CNNM2: variants seen among roughly 807,000 people sequenced by gnomAD.
CNNM2 encodes metal transporter CNNM2.
Under a neutral mutation model 66.9 loss-of-function variants are expected in CNNM2, and 12 were observed. The observed-to-expected ratio is 0.18, with a 90% confidence interval of 0.11 to 0.29. The LOEUF is 0.29. Among genes scored for constraint, CNNM2 ranks in the 10% least tolerant of loss-of-function variants. CNNM2 has a pLI of 1.00. For synonymous variants in CNNM2, 557 were observed against 501.8 expected, an observed-to-expected ratio of 1.11 and a Z score of -1.47; for missense variants, 705 against 1,167.7, an observed-to-expected ratio of 0.60 and a Z score of 5.77.
chr10:102,958,815 A>G (rs1847147648), intron 1 of CNNM2, among the ~76,000 whole-genome samples: 1 of 151,820 alleles, frequency 6.6e-6, no homozygotes, highest in Non-Finnish European at 1.5e-5. Flanking sequence ...TTGGTTTGTG[A>G]TAGCTATTTC....
At chr10:103,067,074 T>C in intron 4 of CNNM2, among the ~76,000 whole-genome samples, 1 of 152,114 alleles carries the variant, frequency 6.6e-6, no homozygotes, top group East Asian at 1.9e-4. Flanking sequence ...AAAATGATAG[T>C]TTGCATCAGG....
chr10:102,965,928 G>GA lies in CNNM2; in HGVS notation c.1621+45837dup, dbSNP rs1012273305. On this transcript the variant is annotated intron_variant, in intron 1 of 7. Transcript: ENST00000369878. Reference sequence around the variant, plus strand: ...GTCAGGACTAAACAGTTCTTCAGGGGAAAAAAAAAATAGGGTCTTTGTCAC... The same window carrying GA: ...GTCAGGACTAAACAGTTCTTCAGGGGAAAAAAAAAAATAGGGTCTTTGTCAC... Among the ~76,000 whole-genome samples, 102 of 148,030 alleles carry GA rather than the reference G, an allele frequency of 6.9e-4. 1 individual carries two copies. Among genetic ancestry groups the GA allele is most frequent in the Middle Eastern group, 3.4e-3 (1 of 294 alleles).
chr10:103,068,816 C>A, intron 5 of CNNM2, 94 bp downstream of exon 5: 1 of 977,120 alleles, frequency 1.0e-6, no homozygotes, highest in Non-Finnish European at 1.5e-6. Context: ...GCCAGCTGAC[C>A]CCATTCACTT....
intron 1 of CNNM2, among the ~76,000 whole-genome samples, chr10:102,957,746 G>C (rs141161767): frequency 7.6e-4 from 115 of 152,188 alleles, no homozygotes; most frequent in African/African-American, 2.6e-3. Flanking sequence ...GTTTAATTTT[G>C]ATGCAGTTTA....
At chr10:102,949,340 T>G (rs899256058) in intron 1 of CNNM2, among the ~76,000 whole-genome samples, 2 of 151,868 alleles carry the variant, frequency 1.3e-5, no homozygotes, top group African/African-American at 4.8e-5. Flanking sequence ...CACGCCTGGC[T>G]AATTTTGTAT....
intron 1 of CNNM2, among the ~76,000 whole-genome samples, chr10:102,965,006 C>T (rs1329428979): frequency 6.6e-6 from 1 of 152,302 alleles, no homozygotes; most frequent in East Asian, 1.9e-4. Context: ...GCGTTCCTCC[C>T]CTCCAGAGGA....
At chr10:103,026,133 C>T (rs566737896) in intron 1 of CNNM2, among the ~76,000 whole-genome samples, 1 of 152,324 alleles carries the variant, frequency 6.6e-6, no homozygotes, top group South Asian at 2.1e-4. Context: ...TCTTGCACTT[C>T]CCAGCCTCCA....
At chr10:103,022,545 A>G (rs1259530245) in intron 1 of CNNM2, among the ~76,000 whole-genome samples, 2 of 152,172 alleles carry the variant, frequency 1.3e-5, no homozygotes, top group Non-Finnish European at 2.9e-5. Context: ...GGGATCAGCC[A>G]TGGTAGGAAT....
At chr10:102,992,500 T>G (rs1226791214) in intron 1 of CNNM2, among the ~76,000 whole-genome samples, 1 of 152,090 alleles carries the variant, frequency 6.6e-6, no homozygotes, top group Non-Finnish European at 1.5e-5. Flanking sequence ...CTCGAACTCC[T>G]GATCTCGAAG....
At chr10:102,927,287 T>C in intron 1 of CNNM2, 1 of 1,607,494 alleles carries the variant, frequency 6.2e-7, no homozygotes, top group Non-Finnish European at 8.5e-7. Context: ...AGTGGATCAC[T>C]AGGATTGAAT....
Position 103,054,590 on chromosome 10 carries a change from GTGTTTTGTTTTTTTTGTTTTTT to G in CNNM2, c.1903+136_1903+157del, listed in dbSNP as rs72456156. 87,260 of 1,011,600 alleles carry G rather than the reference GTGTTTTGTTTTTTTTGTTTTTT, an allele frequency of 0.086. 5,591 individuals are homozygous for G. The highest frequency in any genetic ancestry group is 0.26 in the East Asian group (10,257 of 39,424). The allele number at this position is 1,011,600 out of a possible 1,614,324, so 62.7% of individuals were successfully genotyped here. A position where few individuals can be genotyped will look rare whatever the true frequency, so the allele number is the denominator to read the frequency against. ...TGGGGTGATAAGTAATGCCACTTTT[GTGTTTTGTTTTTTTTGTTTTTT>G]TGTTTTGTTTTGTTTTTTTCTTTTT... On this transcript the variant is annotated intron_variant, in intron 3 of 7. Transcript: ENST00000369878. This position sits in a 1 kb window ranked among gnomAD's most constrained non-coding sequence, Gnocchi z 5.2.
At chr10:103,031,982 TGCACGAGCATGAA>T (rs1422212290) in intron 1 of CNNM2, among the ~76,000 whole-genome samples, 1 of 152,190 alleles carries the variant, frequency 6.6e-6, no homozygotes, top group Non-Finnish European at 1.5e-5. Flanking sequence ...CCTGCACTGA[TGCACGAGCATGAA>T]GCCACTGCAA....
At chr10:102,927,507 C>A (rs1415981382) in intron 1 of CNNM2, 52 of 1,552,236 alleles carry the variant, frequency 3.4e-5, no homozygotes, top group Non-Finnish European at 4.0e-5. Flanking sequence ...TGCCTGTAAT[C>A]CCGGCACTTT....
At chr10:102,922,381 G>C (rs930082343) in intron 1 of CNNM2, among the ~76,000 whole-genome samples, 4 of 151,256 alleles carry the variant, frequency 2.6e-5, no homozygotes, top group African/African-American at 9.7e-5. Flanking sequence ...AGTTATATTG[G>C]TTCTTTTTTT....
At position 103,054,218 on chromosome 10, in the gene CNNM2, C is replaced by T; in HGVS notation, c.1766-111C>T. 10 of 1,257,464 alleles carry T rather than the reference C, an allele frequency of 8.0e-6. No individual in the cohort carries two copies. Among genetic ancestry groups the T allele is most frequent in the Non-Finnish European group, 9.9e-6 (9 of 907,680 alleles). The allele number at this position is 1,257,464 out of a possible 1,614,324, so 77.9% of individuals were successfully genotyped here. On this transcript the variant is annotated intron_variant, in intron 2 of 7. Transcript: ENST00000369878. The surrounding 1 kb of genome is among the most constrained non-coding windows in gnomAD (Gnocchi z 5.2). ...GCATCTGTGCATAGAGCGCCTGCAT[C>T]TGGAAATACAGTCCAGCTCTTCCAA...
intron 1 of CNNM2, among the ~76,000 whole-genome samples, chr10:102,936,358 G>A (rs765519252): frequency 1.3e-5 from 2 of 152,128 alleles, no homozygotes; most frequent in Non-Finnish European, 2.9e-5. Context: ...CCTCCTTGAT[G>A]TAAGGTTTGG....
chr10:103,011,893 A>T (rs1441594725), intron 1 of CNNM2, among the ~76,000 whole-genome samples: 4 of 151,930 alleles, frequency 2.6e-5, no homozygotes, highest in African/African-American at 9.7e-5. Flanking sequence ...GGGTTTCACC[A>T]TGTTGGCCAA....
At chr10:102,930,916 C>T (rs1426515469) in intron 1 of CNNM2, among the ~76,000 whole-genome samples, 1 of 152,028 alleles carries the variant, frequency 6.6e-6, no homozygotes, top group South Asian at 2.1e-4. Context: ...ATAGATATAC[C>T]ACATGTTGTT....
chr10:102,950,075 C>T (rs1024440717), intron 1 of CNNM2, among the ~76,000 whole-genome samples: 6 of 152,256 alleles, frequency 3.9e-5, no homozygotes, highest in Admixed American at 3.9e-4. Context: ...CAGCTCCTGT[C>T]GTGGAGATAC....
Sources: gnomAD v4.1 joint callset for allele counts (sites outside exome capture counted in the v4.1 genomes callset) on GRCh38, gnomAD v4.1.1 for gene constraint, Gnocchi (gnomAD v3.1) non-coding constraint, MANE v1.5 for transcripts, NCBI Gene and HGNC (gene_info 2026-07-23, HGNC 2026-07-21) for gene names.